GLP1R: variants seen among roughly 807,000 people sequenced by gnomAD.
GLP1R encodes glucagon-like peptide 1 receptor.
In GLP1R, 32 loss-of-function variants were observed where a neutral mutation model predicts 68.4. The ratio of observed to expected loss-of-function variants is 0.47; its 90% CI spans 0.35 to 0.63. The LOEUF (loss-of-function observed/expected upper bound fraction) is 0.63. Ranked by LOEUF, GLP1R falls within the 20% of genes least tolerant of loss-of-function variation. The pLI, the probability that GLP1R is intolerant of heterozygous loss-of-function variation, is 0.00. For synonymous variants in GLP1R, 263 were observed against 244.4 expected (o/e 1.08, Z -0.71); for missense variants, 502 against 594.9 (o/e 0.84, Z 1.62).
rs1769218355 is a variant in GLP1R at position 39,089,180 on chromosome 6, T to G, written c.*3107T>G. Among the ~76,000 whole-genome samples, 1 of 152,216 alleles carries G rather than the reference T, an allele frequency of 6.6e-6. No homozygotes were observed. The highest frequency in any genetic ancestry group is 1.5e-5 in the Non-Finnish European group (1 of 68,042). On this transcript the variant is annotated 3_prime_UTR_variant, in exon 13 of 13. Coordinates refer to ENST00000373256, the MANE Select transcript of GLP1R (RefSeq NM_002062.5). This position sits in a 1 kb window ranked among gnomAD's most constrained non-coding sequence, Gnocchi z 4.1. ...CACTGGTACTTCATTCATCCTTGTC[T>G]TAAACTTAAGAAATGAAATGCATCA... is the stretch of plus-strand genomic sequence containing the variant.
chr6:39,068,245 G>A (rs1433436095), intron 5 of GLP1R, among the ~76,000 whole-genome samples: 1 of 152,188 alleles, frequency 6.6e-6, no homozygotes, highest in African/African-American at 2.4e-5. Flanking sequence ...TTGACTCAGT[G>A]TCCTGCCTTC....
Position 39,086,218 on chromosome 6 carries a change from T to C in GLP1R, c.*145T>C. 1 of 642,166 alleles carries C rather than the reference T, an allele frequency of 1.6e-6. No individual in the cohort carries two copies. Among genetic ancestry groups the C allele is most frequent in the Non-Finnish European group, 2.6e-6 (1 of 387,142 alleles). The allele number at this position is 642,166 out of a possible 1,614,324, so 39.8% of individuals were successfully genotyped here. Reference sequence around the variant, plus strand: ...ACACACACACACATACATCCTGCTTTCCCTCCCCAAACCCATCAGACAGGT... The same window carrying C: ...ACACACACACACATACATCCTGCTTCCCCTCCCCAAACCCATCAGACAGGT... On this transcript the variant is annotated 3_prime_UTR_variant, in exon 13 of 13. Coordinates refer to ENST00000373256, the MANE Select transcript of GLP1R (RefSeq NM_002062.5). The surrounding 1 kb of genome is among the most constrained non-coding windows in gnomAD (Gnocchi z 4.5).
intron 1 of GLP1R, among the ~76,000 whole-genome samples, chr6:39,054,246 C>G (rs1433823798): frequency 6.6e-6 from 1 of 151,742 alleles, no homozygotes; most frequent in Non-Finnish European, 1.5e-5. Flanking sequence ...CCCTGCATTC[C>G]CCTCCACCCA....
At chr6:39,059,374 C>T (rs1310719818) in intron 3 of GLP1R, among the ~76,000 whole-genome samples, 2 of 152,208 alleles carry the variant, frequency 1.3e-5, no homozygotes, top group African/African-American at 2.4e-5. Flanking sequence ...AATTGCTACA[C>T]CAAAGTCTTC....
intron 7 of GLP1R, among the ~76,000 whole-genome samples, chr6:39,074,998 AG>A (rs1451985555): frequency 2.6e-5 from 4 of 151,858 alleles, no homozygotes; most frequent in African/African-American, 9.7e-5. Context: ...CAGTGTCTTG[AG>A]GACACCAAGG....
chr6:39,062,783 G>A (rs1476735861), intron 3 of GLP1R, among the ~76,000 whole-genome samples: 1 of 152,238 alleles, frequency 6.6e-6, no homozygotes, highest in Non-Finnish European at 1.5e-5. Context: ...CTTTCTAGTT[G>A]ATGATCTTAG....
chr6:39,074,348 C>T (rs907943335), intron 7 of GLP1R: 1 of 152,216 alleles, frequency 6.6e-6, no homozygotes, highest in African/African-American at 2.4e-5. Flanking sequence ...TGCCAAGAAC[C>T]ATTGTGTCTT....
At position 39,049,972 on chromosome 6, in the gene GLP1R, C is replaced by T. The variant is rs1010238247; in HGVS notation, c.78+1054C>T. ...GAGATCTGTGGGGAGTGGACCTGAA[C>T]GAACCTTGAAGTTTGTCCCAGAACC... On this transcript the variant is annotated intron_variant, in intron 1 of 12. Coordinates refer to ENST00000373256, the MANE Select transcript of GLP1R (RefSeq NM_002062.5). This position sits in a 1 kb window ranked among gnomAD's most constrained non-coding sequence, Gnocchi z 4.5. Among the ~76,000 whole-genome samples, 4 of 152,200 alleles carry T rather than the reference C, an allele frequency of 2.6e-5. No individual in the cohort carries two copies. The highest frequency in any genetic ancestry group is 7.2e-5 in the African/African-American group (3 of 41,448).
At chr6:39,069,524 T>C (rs1768601702) in intron 5 of GLP1R, among the ~76,000 whole-genome samples, 1 of 151,406 alleles carries the variant, frequency 6.6e-6, no homozygotes, top group Non-Finnish European at 1.5e-5. Flanking sequence ...TCCCAGCTAC[T>C]CGGGAGGCTG....
chr6:39,067,539 G>A (rs953855510), intron 5 of GLP1R, among the ~76,000 whole-genome samples: 7 of 152,240 alleles, frequency 4.6e-5, no homozygotes, highest in African/African-American at 1.7e-4. Flanking sequence ...AATCCCATTC[G>A]TGAGGGCAGA....
At chr6:39,058,778 C>A (rs1018544123) in intron 3 of GLP1R, among the ~76,000 whole-genome samples, 1 of 152,214 alleles carries the variant, frequency 6.6e-6, no homozygotes, top group Non-Finnish European at 1.5e-5. Flanking sequence ...GTTATACCTG[C>A]TGTACAGATG....
chr6:39,075,055 A>C (rs1485366149), intron 7 of GLP1R, among the ~76,000 whole-genome samples: 1 of 152,110 alleles, frequency 6.6e-6, no homozygotes, highest in African/African-American at 2.4e-5. Context: ...CCTGGAACCC[A>C]GGCCTCCTGA....
At chr6:39,059,657 T>C (rs1768309529) in intron 3 of GLP1R, among the ~76,000 whole-genome samples, 1 of 152,016 alleles carries the variant, frequency 6.6e-6, no homozygotes, top group Admixed American at 6.5e-5. Flanking sequence ...TGAGAAATGG[T>C]AGCTGTTAAT....
Position 39,057,506 on chromosome 6 carries a change from C to T in GLP1R, c.210C>T (p.Ala70=). The T allele has an allele frequency of 6.2e-7, 1 of 1,613,758 alleles. No homozygotes were observed. The highest frequency in any genetic ancestry group is 8.5e-7 in the Non-Finnish European group (1 of 1,179,712). ...GCAACCGGACCTTCGATGAATACGC[C>T]TGCTGGCCAGATGGGGAGCCAGGCT... The part of the protein sequence containing the change: ...LFCNRTFDEY[A]CWPDGEPGSF... Residue 70 remains alanine, a synonymous_variant, in exon 3 of 13, where the codon GCC becomes GCT. Coordinates refer to ENST00000373256, the MANE Select transcript of GLP1R (RefSeq NM_002062.5).
rs1769193603 is a variant in GLP1R at position 39,087,996 on chromosome 6, T to G, written c.*1923T>G. Among the ~76,000 whole-genome samples the G allele has an allele frequency of 6.6e-6, 1 of 152,150 alleles. No homozygotes were observed. Among genetic ancestry groups the G allele is most frequent in the South Asian group, 2.1e-4 (1 of 4,820 alleles). ...TTGGATAAACTGAGGATTTTGAGAATCATTATTACATTACATAGCAACAAA... is the reference window on the plus strand; with the variant it reads ...TTGGATAAACTGAGGATTTTGAGAAGCATTATTACATTACATAGCAACAAA... On this transcript the variant is annotated 3_prime_UTR_variant, in exon 13 of 13. Transcript: ENST00000373256.
intron 12 of GLP1R, among the ~76,000 whole-genome samples, chr6:39,084,801 T>C (rs1769103980): frequency 1.3e-5 from 2 of 152,164 alleles, no homozygotes; most frequent in Admixed American, 1.3e-4. Flanking sequence ...CATGCAGCCA[T>C]ACCAGGCGTC....
chr6:39,058,329 T>G (rs185631673), intron 3 of GLP1R, among the ~76,000 whole-genome samples: 13 of 152,182 alleles, frequency 8.5e-5, no homozygotes, highest in African/African-American at 3.1e-4. Context: ...CTGGGAGAAG[T>G]GATCAGGGCA....
intron 1 of GLP1R, among the ~76,000 whole-genome samples, chr6:39,050,200 C>G (rs1485282077): frequency 6.6e-6 from 1 of 152,168 alleles, no homozygotes; most frequent in Non-Finnish European, 1.5e-5. Context: ...CCTCACAGCG[C>G]CCCCAGCCAG....
At chr6:39,059,183 C>T (rs1002441985) in intron 3 of GLP1R, among the ~76,000 whole-genome samples, 2 of 152,240 alleles carry the variant, frequency 1.3e-5, no homozygotes, top group Non-Finnish European at 2.9e-5. Context: ...CCAATACTGC[C>T]TGTTGGAAGC....
Sources: allele counts gnomAD v4.1 joint callset (sites outside exome capture counted in the v4.1 genomes callset), GRCh38; gene constraint gnomAD v4.1.1; non-coding constraint Gnocchi (gnomAD v3.1); transcripts MANE v1.5; gene names NCBI Gene and HGNC (gene_info 2026-07-23, HGNC 2026-07-21).